Variants in YTHDF1 observed in about 807,000 individuals in gnomAD.
The protein encoded by YTHDF1 is YTH domain-containing family protein 1.
In YTHDF1, 16 loss-of-function variants were observed where a neutral mutation model predicts 49.1. That is an observed-to-expected ratio of 0.33 (90% CI 0.22 to 0.49). YTHDF1 has a LOEUF of 0.49. Among genes scored for constraint, YTHDF1 ranks in the 20% least tolerant of loss-of-function variants. The probability of loss-of-function intolerance (pLI) is 0.99; values close to 1 mark genes in which losing one functional copy is unlikely to be tolerated. For missense variants in YTHDF1, 621 were observed against 744.3 expected (o/e 0.83, Z 1.93); for synonymous variants, 313 against 290.1 (o/e 1.08, Z -0.80).
chr20:63,199,895 C>CA (rs1297889894), intron 4 of YTHDF1, among the ~76,000 whole-genome samples: 3 of 151,994 alleles, frequency 2.0e-5, no homozygotes, highest in Non-Finnish European at 2.9e-5. Context: ...ACTGATTCTA[C>CA]AAAAAAATAC....
chr20:63,197,665 G>A (rs2066498610), intron 4 of YTHDF1, among the ~76,000 whole-genome samples: 1 of 152,086 alleles, frequency 6.6e-6, no homozygotes, highest in Non-Finnish European at 1.5e-5. Flanking sequence ...GATCGCTTGA[G>A]CCCATGAGTT....
intron 1 of YTHDF1, 122 bp from the exon 2 acceptor site, chr20:63,215,723 T>C (rs1007333316): frequency 5.5e-5 from 77 of 1,397,446 alleles, no homozygotes; most frequent in South Asian, 1.4e-4. Context: ...CGACGCGCGG[T>C]CACGTGCGAC....
chr20:63,214,025 A>G, intron 2 of YTHDF1, 82 bp from the exon 3 acceptor site: 2 of 1,489,686 alleles, frequency 1.3e-6, no homozygotes, highest in Non-Finnish European at 1.8e-6. Context: ...AGCAAAGTCT[A>G]TTTCCATCTA....
At chr20:63,215,774 G>C (rs79500085) in intron 1 of YTHDF1, 92 bp downstream of exon 1, 25 of 1,384,040 alleles carry the variant, frequency 1.8e-5, no homozygotes, top group Non-Finnish European at 1.9e-6. Context: ...CCCGGCCTCC[G>C]CGACCCCGGG....
At position 63,196,737 on chromosome 20, in the gene YTHDF1, G is replaced by A. The variant is rs1322684379; in HGVS notation, c.1654-3C>T. 7.4e-6 allele frequency: 12 copies of A among 1,613,558 alleles called. No homozygotes were observed. Among genetic ancestry groups the A allele is most frequent in the East Asian group, 2.2e-5 (1 of 44,634 alleles). ...TGTTTGTTTCGACTCTGCCGTTCCT[G>A]TAAAAAGAAAAAACAAAAGTTGAAC... On this transcript the variant is annotated splice_polypyrimidine_tract_variant and splice_region_variant and intron_variant, in intron 4 of 4. Coordinates refer to ENST00000370339, the MANE Select transcript of YTHDF1 (RefSeq NM_017798.4).
At chr20:63,201,282 T>G (rs1460953177) in intron 4 of YTHDF1, among the ~76,000 whole-genome samples, 1 of 152,132 alleles carries the variant, frequency 6.6e-6, no homozygotes, top group Non-Finnish European at 1.5e-5. Context: ...CAAAATACAT[T>G]AGGACACTTG....
chr20:63,208,772 G>A (rs1036567472), intron 3 of YTHDF1, among the ~76,000 whole-genome samples: 18 of 152,168 alleles, frequency 1.2e-4, no homozygotes, highest in African/African-American at 3.6e-4. Flanking sequence ...AGGTCACCCC[G>A]GGCCCACCAG....
At position 63,196,117 on chromosome 20, in the gene YTHDF1, A is replaced by G. The variant is rs1284499315; in HGVS notation, c.*591T>C. On this transcript the variant is annotated 3_prime_UTR_variant, in exon 5 of 5. Transcript: ENST00000370339. ...TTCAGTGGGCAACAGATCTGGAAGGAAAGATTTTCAAAAAAAAAAAAAAAG... is the reference window on the plus strand; with the variant it reads ...TTCAGTGGGCAACAGATCTGGAAGGGAAGATTTTCAAAAAAAAAAAAAAAG... 1 of 152,070 alleles carries G rather than the reference A, an allele frequency of 6.6e-6. No homozygotes were observed. 9.4% of individuals were successfully genotyped at this position (152,070 alleles called of 1,614,324 possible). A position where few individuals can be genotyped will look rare whatever the true frequency, so the allele number is the denominator to read the frequency against.
At chr20:63,211,415 T>C (rs1294001290) in intron 3 of YTHDF1, among the ~76,000 whole-genome samples, 2 of 152,094 alleles carry the variant, frequency 1.3e-5, no homozygotes, top group African/African-American at 2.4e-5. Context: ...CAGTGAGCCA[T>C]GATCACATCA....
rs1409973866 is a variant in YTHDF1, at chr20:63,202,946, G to A, written c.994C>T (p.Arg332Cys). 5 of 1,614,018 alleles carry A rather than the reference G, an allele frequency of 3.1e-6. No individual in the cohort carries two copies. The highest frequency in any genetic ancestry group is 4.2e-6 in the Non-Finnish European group (5 of 1,180,044). The change falls in exon 4 of 5, where the codon CGC becomes TGC. Residue 332 changes from arginine (R) to cysteine (C), a missense_variant. Physicochemically the swap from Arg to Cys is radical, Grantham distance 180. Coordinates refer to ENST00000370339, the MANE Select transcript of YTHDF1 (RefSeq NM_017798.4). ...QPPQTRWVAPRNRNAAFGQSG... is the reference protein window; with the variant it reads ...QPPQTRWVAPCNRNAAFGQSG... ...TGCCCAAACGCCGCGTTTCTGTTGC[G>A]TGGGGCAACCCAGCGGGTCTGGGGT... is the stretch of plus-strand genomic sequence containing the variant.
intron 3 of YTHDF1, among the ~76,000 whole-genome samples, chr20:63,204,927 A>T (rs1488435022): frequency 6.6e-6 from 1 of 151,970 alleles, no homozygotes; most frequent in African/African-American, 2.4e-5. Flanking sequence ...ACACCTGTAC[A>T]CAGGCCGGTG....
rs142588639 is a variant in YTHDF1, at chr20:63,202,224, C to G, written c.1653+63G>C. On this transcript the variant is annotated intron_variant, in intron 4 of 4. Coordinates refer to ENST00000370339, the MANE Select transcript of YTHDF1 (RefSeq NM_017798.4). The stretch of plus-strand genomic sequence containing the variant: ...CCGCATCTGCTCACCACCGGGCCAC[C>G]TGGTCTAAGTACGGCACCAAGGACA... 2.0e-4 allele frequency: 304 copies of G among 1,542,692 alleles called. 2 individuals carry two copies. The African/African-American group carries it at 3.5e-3, about 18-fold the overall frequency.
chr20:63,198,981 C>A (rs1181367148), intron 4 of YTHDF1, among the ~76,000 whole-genome samples: 1 of 152,234 alleles, frequency 6.6e-6, no homozygotes, highest in Non-Finnish European at 1.5e-5. Flanking sequence ...CTACTGCCAT[C>A]CTAAGAAATC....
intron 3 of YTHDF1, among the ~76,000 whole-genome samples, chr20:63,204,589 G>A (rs2066536653): frequency 1.3e-5 from 2 of 152,218 alleles, no homozygotes; most frequent in South Asian, 2.1e-4. Context: ...TGTGCTCCGG[G>A]TGCAGAGCAG....
chr20:63,215,072 A>G (rs1250767234), intron 2 of YTHDF1, among the ~76,000 whole-genome samples: 1 of 152,236 alleles, frequency 6.6e-6, no homozygotes, highest in East Asian at 1.9e-4. Context: ...TGGCTAAAAA[A>G]GTGTTCCAAG....
chr20:63,206,969 C>T (rs1169910326), intron 3 of YTHDF1, among the ~76,000 whole-genome samples: 1 of 151,416 alleles, frequency 6.6e-6, no homozygotes, highest in Non-Finnish European at 1.5e-5. Flanking sequence ...CAACTGGAAA[C>T]GCACAGTTCG....
chr20:63,207,023 T>C (rs2066549879), intron 3 of YTHDF1, among the ~76,000 whole-genome samples: 1 of 152,186 alleles, frequency 6.6e-6, no homozygotes, highest in Non-Finnish European at 1.5e-5. Context: ...GGGCCTTTGA[T>C]CTCCCTTTGT....
chr20:63,197,759 A>G (rs1601229233), intron 4 of YTHDF1, among the ~76,000 whole-genome samples: 1 of 152,256 alleles, frequency 6.6e-6, no homozygotes, highest in Admixed American at 6.5e-5. Flanking sequence ...AAACAAAACA[A>G]AAAGATGCAT....
At chr20:63,214,064 A>T in intron 2 of YTHDF1, 121 bp from the exon 3 acceptor site, 1 of 1,435,710 alleles carries the variant, frequency 7.0e-7, no homozygotes, top group Non-Finnish European at 9.1e-7. Flanking sequence ...CTTTAATTTT[A>T]AAAGGAGTAC....
Sources: gnomAD v4.1 joint callset for allele counts (sites outside exome capture counted in the v4.1 genomes callset) on GRCh38, gnomAD v4.1.1 for gene constraint, MANE v1.5 for transcripts, NCBI Gene and HGNC (gene_info 2026-07-23, HGNC 2026-07-21) for gene names.